SMAP1: variants seen among roughly 807,000 people sequenced by gnomAD.
SMAP1 encodes small ArfGAP 1.
Under a neutral mutation model 58.5 loss-of-function variants are expected in SMAP1, and 24 were observed. That is an observed-to-expected ratio of 0.41 (90% CI 0.30 to 0.58). The LOEUF (loss-of-function observed/expected upper bound fraction) is 0.58, where lower values mean the gene tolerates loss of function less well. SMAP1 is among the 20% of genes least tolerant of loss of function. The probability of loss-of-function intolerance (pLI) is 0.29; values close to 1 mark genes in which losing one functional copy is unlikely to be tolerated. For synonymous variants in SMAP1, 216 were observed against 196.6 expected, an observed-to-expected ratio of 1.10 and a Z score of -0.82; for missense variants, 563 against 566.3, an observed-to-expected ratio of 0.99 and a Z score of 0.06.
At chr6:70,683,337 T>G (rs1267637681) in intron 1 of SMAP1, among the ~76,000 whole-genome samples, 1 of 150,572 alleles carries the variant, frequency 6.6e-6, no homozygotes, top group Non-Finnish European at 1.5e-5. Context: ...GCCTGGCTAA[T>G]TTTTTTTTGT....
chr6:70,789,493 C>T (rs1297581973), intron 4 of SMAP1, among the ~76,000 whole-genome samples: 14 of 151,744 alleles, frequency 9.2e-5, no homozygotes, highest in Admixed American at 9.2e-4. Flanking sequence ...TATGAATTCA[C>T]CTGTTCATCT....
In SMAP1 at chr6:70,710,480, G is replaced by A. The variant is rs1381575216; in HGVS notation, c.119-21898G>A. ...GCACACTCCAGCCTGGTGACAGAGC[G>A]AGACTCCCATCTCAAAAAAAAAAAA... On this transcript the variant is annotated intron_variant, in intron 1 of 10. Coordinates refer to ENST00000370455, the MANE Select transcript of SMAP1 (RefSeq NM_001044305.3). Among the ~76,000 whole-genome samples, 7 of 132,836 alleles carry A rather than the reference G, an allele frequency of 5.3e-5. No individual in the cohort carries two copies. The East Asian group carries it at 1.5e-3, about 29-fold the overall frequency. 87.1% of individuals were successfully genotyped at this position (132,836 alleles called of 152,430 possible).
intron 4 of SMAP1, among the ~76,000 whole-genome samples, chr6:70,790,847 A>T (rs1164854915): frequency 6.6e-6 from 1 of 152,188 alleles, no homozygotes. Flanking sequence ...TGTCAGTTTT[A>T]TGGCCCCAAA....
intron 1 of SMAP1, among the ~76,000 whole-genome samples, chr6:70,675,293 A>G (rs1207454902): frequency 6.8e-6 from 1 of 146,772 alleles, no homozygotes; most frequent in African/African-American, 2.5e-5. Context: ...CCTTTGAGGT[A>G]GGTAATATTA....
intron 1 of SMAP1, among the ~76,000 whole-genome samples, chr6:70,690,706 A>ATATG (rs1554189882): frequency 2.5e-4 from 37 of 146,244 alleles, no homozygotes; most frequent in African/African-American, 8.8e-4. Flanking sequence ...ATATATATAT[A>ATATG]TATTTTTGAA....
chr6:70,803,740 A>G (rs1413042855), intron 6 of SMAP1, among the ~76,000 whole-genome samples: 2 of 151,988 alleles, frequency 1.3e-5, no homozygotes, highest in Non-Finnish European at 1.5e-5. Flanking sequence ...TTCTGCCTTC[A>G]TTTCTTTACT....
chr6:70,756,714 T>C (rs963487008), intron 3 of SMAP1, among the ~76,000 whole-genome samples: 3 of 152,162 alleles, frequency 2.0e-5, no homozygotes, highest in Non-Finnish European at 4.4e-5. Context: ...AGCATTCTTA[T>C]ACACCAATAA....
At position 70,861,125 on chromosome 6, in the gene SMAP1, T is replaced by C. The variant is rs1309985202; in HGVS notation, c.*791T>C. 1.2e-5 allele frequency: 2 copies of C among 168,522 alleles called. No homozygotes were observed. The highest frequency in any genetic ancestry group is 4.7e-5 in the African/African-American group (2 of 42,180). The allele number at this position is 168,522 out of a possible 1,614,324, so 10.4% of individuals were successfully genotyped here. A position where few individuals can be genotyped will look rare whatever the true frequency, so the allele number is the denominator to read the frequency against. The stretch of plus-strand genomic sequence containing the variant: ...TGTTTACATTTTATGGTGCCTAGTA[T>C]TGACAAAATGTTATTTCCCTACATT... On this transcript the variant is annotated 3_prime_UTR_variant, in exon 11 of 11. Transcript: ENST00000370455.
chr6:70,768,258 A>G lies in SMAP1; in HGVS notation c.339-5092A>G, dbSNP rs565746763. Among the ~76,000 whole-genome samples the G allele has an allele frequency of 2.8e-3, 421 of 152,246 alleles. 4 individuals carry two copies. The highest frequency in any genetic ancestry group is 5.6e-3 in the South Asian group (27 of 4,820). On this transcript the variant is annotated intron_variant, in intron 3 of 10. Transcript: ENST00000370455. The stretch of plus-strand genomic sequence containing the variant: ...AGGCTTTGGTATCAGGATGATGCTG[A>G]CCTCATAAAATGAGTTAGGGAGGAT...
chr6:70,860,812 C>T lies in SMAP1; in HGVS notation c.*478C>T, dbSNP rs1657772716. Reference sequence around the variant, plus strand: ...CTGTTTTCTAGTGTATCAAAATGCTCTTATTTCATCATTCACTTCACTGTG... The same window carrying T: ...CTGTTTTCTAGTGTATCAAAATGCTTTTATTTCATCATTCACTTCACTGTG... On this transcript the variant is annotated 3_prime_UTR_variant, in exon 11 of 11. Coordinates refer to ENST00000370455, the MANE Select transcript of SMAP1 (RefSeq NM_001044305.3). The T allele has an allele frequency of 2.5e-6, 1 of 397,410 alleles. No homozygotes were observed. Among genetic ancestry groups the T allele is most frequent in the African/African-American group, 2.1e-5 (1 of 48,480 alleles). The allele number at this position is 397,410 out of a possible 1,614,324, so 24.6% of individuals were successfully genotyped here. A position where few individuals can be genotyped will look rare whatever the true frequency, so the allele number is the denominator to read the frequency against.
intron 6 of SMAP1, among the ~76,000 whole-genome samples, chr6:70,821,928 TAA>T (rs1399171895): frequency 1.3e-5 from 2 of 152,196 alleles, no homozygotes; most frequent in Non-Finnish European, 2.9e-5. Flanking sequence ...ATGGAATTTC[TAA>T]AATGTTTTTG....
intron 1 of SMAP1, chr6:70,668,530 A>G (rs1044800420): frequency 1.1e-5 from 16 of 1,520,684 alleles, no homozygotes; most frequent in African/African-American, 9.7e-5. Flanking sequence ...GCTCATAGCT[A>G]TCTCTGTGGG....
intron 1 of SMAP1, among the ~76,000 whole-genome samples, chr6:70,715,119 G>T (rs1489241151): frequency 2.6e-5 from 3 of 113,244 alleles, no homozygotes; most frequent in Non-Finnish European, 5.1e-5. Context: ...TTTTTTTGGA[G>T]ACATGGTCTT....
intron 1 of SMAP1, among the ~76,000 whole-genome samples, chr6:70,689,967 A>G (rs1266233672): frequency 6.6e-6 from 1 of 152,158 alleles, no homozygotes; most frequent in East Asian, 1.9e-4. Flanking sequence ...GGATTCTATT[A>G]GGTCTCCTAC....
intron 1 of SMAP1, among the ~76,000 whole-genome samples, chr6:70,725,147 C>T (rs1457843477): frequency 5.8e-5 from 6 of 102,724 alleles, no homozygotes; most frequent in East Asian, 5.9e-4. Flanking sequence ...GACGGAGTCT[C>T]GCTCTGTCGC....
At chr6:70,700,982 T>C (rs1191953502) in intron 1 of SMAP1, among the ~76,000 whole-genome samples, 2 of 152,202 alleles carry the variant, frequency 1.3e-5, no homozygotes, top group African/African-American at 4.8e-5. Context: ...TGCTCCATTC[T>C]CTTGTGGATG....
Position 70,861,528 on chromosome 6 carries a change from T to G in SMAP1, c.*1194T>G. ...CTGACAAGCTCCATTTAAACAGATG[T>G]CCATCAGATGACAAGAAAGGCTGCT... is the stretch of plus-strand genomic sequence containing the variant. On this transcript the variant is annotated 3_prime_UTR_variant, in exon 11 of 11. Transcript: ENST00000370455. 1.4e-6 allele frequency: 1 copy of G among 706,602 alleles called. No homozygotes were observed. The highest frequency in any genetic ancestry group is 2.4e-6 in the Non-Finnish European group (1 of 416,058). The allele number at this position is 706,602 out of a possible 1,614,324, so 43.8% of individuals were successfully genotyped here.
At chr6:70,772,564 A>G (rs936796518) in intron 3 of SMAP1, among the ~76,000 whole-genome samples, 1 of 152,278 alleles carries the variant, frequency 6.6e-6, no homozygotes, top group East Asian at 1.9e-4. Flanking sequence ...AAGAATTTCC[A>G]TTTCAGTGGA....
intron 4 of SMAP1, among the ~76,000 whole-genome samples, chr6:70,786,462 G>T (rs1326860453): frequency 2.0e-5 from 1 of 49,452 alleles, no homozygotes; most frequent in Non-Finnish European, 3.3e-5. Context: ...GGGCAATTAG[G>T]CAGGAGAAGG....
Sources: gnomAD v4.1 joint callset for allele counts (sites outside exome capture counted in the v4.1 genomes callset) on GRCh38, gnomAD v4.1.1 for gene constraint, MANE v1.5 for transcripts, NCBI Gene and HGNC (gene_info 2026-07-23, HGNC 2026-07-21) for gene names.